Variants in AUTS2 observed in about 807,000 individuals in gnomAD.
The protein encoded by AUTS2 is autism susceptibility gene 2 protein.
In AUTS2, 17 loss-of-function variants were observed where a neutral mutation model predicts 112.4. That is an observed-to-expected ratio of 0.15 (90% CI 0.10 to 0.23). The LOEUF is 0.23. Among genes scored for constraint, AUTS2 ranks in the 10% least tolerant of loss-of-function variants. The pLI is 1.00. For missense variants in AUTS2, 1,510 were observed against 1,701.6 expected, an observed-to-expected ratio of 0.89 and a Z score of 1.98; for synonymous variants, 751 against 702.7, an observed-to-expected ratio of 1.07 and a Z score of -1.09.
At chr7:69,821,536 G>A (rs1790990990) in intron 1 of AUTS2, among the ~76,000 whole-genome samples, 1 of 152,082 alleles carries the variant, frequency 6.6e-6, no homozygotes, top group Non-Finnish European at 1.5e-5. Context: ...TACTGTGGAA[G>A]CTTTGTTCTT....
At chr7:70,598,240 G>A (rs1803297685) in intron 5 of AUTS2, among the ~76,000 whole-genome samples, 1 of 152,100 alleles carries the variant, frequency 6.6e-6, no homozygotes, top group Admixed American at 6.5e-5. Flanking sequence ...TTTTGTCATT[G>A]CTACCATGAA....
chr7:70,450,981 G>A (rs1796507894), intron 5 of AUTS2, among the ~76,000 whole-genome samples: 1 of 152,050 alleles, frequency 6.6e-6, no homozygotes, highest in Non-Finnish European at 1.5e-5. Flanking sequence ...TCAGGGAGGG[G>A]CTTTCAGGAC....
At chr7:70,323,261 A>G (rs1790337464) in intron 4 of AUTS2, among the ~76,000 whole-genome samples, 1 of 152,218 alleles carries the variant, frequency 6.6e-6, no homozygotes, top group Admixed American at 6.5e-5. Flanking sequence ...AGGCCAGTCC[A>G]CAACCCAACT....
intron 5 of AUTS2, among the ~76,000 whole-genome samples, chr7:70,488,220 C>G (rs1013820099): frequency 6.6e-6 from 1 of 152,222 alleles, no homozygotes; most frequent in South Asian, 2.1e-4. Context: ...GCCCGGCGCT[C>G]TAAGCTGAGG....
At chr7:69,984,795 C>T (rs903714159) in intron 2 of AUTS2, among the ~76,000 whole-genome samples, 1 of 152,088 alleles carries the variant, frequency 6.6e-6, no homozygotes, top group Non-Finnish European at 1.5e-5. Flanking sequence ...TCCCCATGTG[C>T]TTTAGCACTC....
At chr7:70,584,575 G>C (rs919088774) in intron 5 of AUTS2, among the ~76,000 whole-genome samples, 4 of 152,244 alleles carry the variant, frequency 2.6e-5, no homozygotes, top group African/African-American at 9.6e-5. Flanking sequence ...CCAGAATAAA[G>C]AAGGCATCTT....
chr7:69,874,101 A>G (rs1391685604), intron 1 of AUTS2, among the ~76,000 whole-genome samples: 2 of 152,154 alleles, frequency 1.3e-5, no homozygotes, highest in Non-Finnish European at 2.9e-5. Context: ...AGTTTTAAAG[A>G]GACTTAGAGG....
intron 2 of AUTS2, among the ~76,000 whole-genome samples, chr7:70,030,146 T>C (rs573793766): frequency 6.6e-6 from 1 of 152,330 alleles, no homozygotes; most frequent in East Asian, 1.9e-4. Context: ...TTGGCCCAAA[T>C]ACACCAGGAA....
chr7:70,621,266 C>T (rs1804659216), intron 5 of AUTS2, among the ~76,000 whole-genome samples: 1 of 152,300 alleles, frequency 6.6e-6, no homozygotes, highest in South Asian at 2.1e-4. Flanking sequence ...TTCTCCTGGC[C>T]TTTCAGGTCC....
intron 3 of AUTS2, among the ~76,000 whole-genome samples, chr7:70,126,940 C>T (rs1459754326): frequency 1.3e-5 from 2 of 152,016 alleles, no homozygotes; most frequent in Admixed American, 6.5e-5. Flanking sequence ...AATTCTCCTG[C>T]CTCAGCCTCC....
intron 4 of AUTS2, among the ~76,000 whole-genome samples, chr7:70,435,166 T>TA (rs1192037727): frequency 1.3e-5 from 2 of 152,216 alleles, no homozygotes; most frequent in Non-Finnish European, 2.9e-5. Context: ...ATGTTCCTTC[T>TA]ATTCTCTGGG....
At chr7:70,617,121 G>A (rs1302305847) in intron 5 of AUTS2, among the ~76,000 whole-genome samples, 2 of 152,156 alleles carry the variant, frequency 1.3e-5, no homozygotes, top group African/African-American at 2.4e-5. Flanking sequence ...GCTCAGTGGG[G>A]TAAGGGCCAT....
At chr7:70,657,178 T>C (rs1374340995) in intron 5 of AUTS2, among the ~76,000 whole-genome samples, 2 of 152,236 alleles carry the variant, frequency 1.3e-5, no homozygotes, top group East Asian at 3.8e-4. Context: ...CCAGTCAGCA[T>C]TCTCTGCAGA....
At chr7:70,295,953 A>G (rs943750346) in intron 4 of AUTS2, among the ~76,000 whole-genome samples, 3 of 152,168 alleles carry the variant, frequency 2.0e-5, no homozygotes, top group Non-Finnish European at 2.9e-5. Flanking sequence ...GTCAATCTGT[A>G]TACATTATTG....
chr7:70,240,733 C>T (rs1393292807), intron 4 of AUTS2, among the ~76,000 whole-genome samples: 7 of 152,158 alleles, frequency 4.6e-5, no homozygotes, highest in Admixed American at 4.6e-4. Flanking sequence ...GCATAGAAAA[C>T]ACAGCATCCT....
intron 1 of AUTS2, among the ~76,000 whole-genome samples, chr7:69,638,676 T>C (rs908187645): frequency 2.6e-5 from 4 of 152,232 alleles, no homozygotes; most frequent in African/African-American, 9.6e-5. Flanking sequence ...TCCTATTTCA[T>C]TCACAGTGGA....
intron 5 of AUTS2, among the ~76,000 whole-genome samples, chr7:70,632,145 A>G (rs1381604437): frequency 6.6e-6 from 1 of 151,710 alleles, no homozygotes; most frequent in East Asian, 1.9e-4. Flanking sequence ...GGTTGTAGCA[A>G]CTCCAGGCTC....
intron 5 of AUTS2, among the ~76,000 whole-genome samples, chr7:70,565,123 T>C (rs1011580209): frequency 6.6e-6 from 1 of 151,978 alleles, no homozygotes; most frequent in Non-Finnish European, 1.5e-5. Context: ...AAATAAAAAT[T>C]AGAACTCTAC....
intron 1 of AUTS2, among the ~76,000 whole-genome samples, chr7:69,685,738 A>G (rs1294076040): frequency 1.3e-5 from 2 of 150,170 alleles, no homozygotes; most frequent in Non-Finnish European, 3.0e-5. Context: ...TTTTTTTTTA[A>G]ATAGAGACAA....
Sources: allele counts gnomAD v4.1 joint callset (sites outside exome capture counted in the v4.1 genomes callset), GRCh38; gene constraint gnomAD v4.1.1; transcripts MANE v1.5; gene names NCBI Gene and HGNC (gene_info 2026-07-23, HGNC 2026-07-21).